The following ATF1 variants were observed in gnomAD, a reference collection of about 807,000 sequenced individuals.
ATF1 encodes the protein cyclic AMP-dependent transcription factor ATF-1.
ATF1 carries 16 observed loss-of-function variants against 34.7 expected under a neutral mutation model. The observed-to-expected ratio is 0.46, with a 90% CI of 0.31 to 0.70. ATF1 has a LOEUF of 0.70. Among genes scored for constraint, ATF1 ranks in the 30% least tolerant of loss-of-function variants. The probability of loss-of-function intolerance (pLI) is 0.05; values close to 1 mark genes in which losing one functional copy is unlikely to be tolerated. For missense variants in ATF1, 255 were observed against 321.6 expected (o/e 0.79, Z 1.58); for synonymous variants, 105 against 113.1 (o/e 0.93, Z 0.46).
chr12:50,804,536 A>G (rs1433298984), intron 3 of ATF1, among the ~76,000 whole-genome samples: 10 of 152,112 alleles, frequency 6.6e-5, no homozygotes, highest in Non-Finnish European at 8.8e-5. Flanking sequence ...AATTAAAGTT[A>G]GCCAGGCGTG....
At chr12:50,768,290 A>G (rs1000598820) in intron 1 of ATF1, among the ~76,000 whole-genome samples, 1 of 152,200 alleles carries the variant, frequency 6.6e-6, no homozygotes, top group Non-Finnish European at 1.5e-5. Flanking sequence ...GAACTGTCTT[A>G]TATTTTCCTT....
chr12:50,767,630 G>A (rs933262511), intron 1 of ATF1, among the ~76,000 whole-genome samples: 16 of 152,350 alleles, frequency 1.1e-4, no homozygotes, highest in African/African-American at 3.4e-4. Context: ...TAAAAGACTG[G>A]ATGAAGTCTC....
At chr12:50,765,550 G>A (rs1354940771) in intron 1 of ATF1, among the ~76,000 whole-genome samples, 2 of 152,094 alleles carry the variant, frequency 1.3e-5, no homozygotes, top group African/African-American at 4.8e-5. Context: ...AATAGAGATG[G>A]TGTCAGAGGC....
chr12:50,780,663 A>C (rs546642616), intron 2 of ATF1, among the ~76,000 whole-genome samples: 46 of 151,780 alleles, frequency 3.0e-4, no homozygotes, highest in East Asian at 1.4e-3. Flanking sequence ...AAAAAAAAAA[A>C]AAAACAAAAC....
At position 50,819,966 on chromosome 12, in the gene ATF1, G is replaced by A. The variant is rs1004284295; in HGVS notation, c.*187G>A. ...TGGAAAATGACCTCAAGGAAGCTAC[G>A]GGCACAACTGGAAGCTTTGTAGAAA... On this transcript the variant is annotated 3_prime_UTR_variant, in exon 7 of 7. Coordinates refer to ENST00000262053, the MANE Select transcript of ATF1 (RefSeq NM_005171.5). 19 of 469,234 alleles carry A rather than the reference G, an allele frequency of 4.0e-5. No individual in the cohort carries two copies. The highest frequency in any genetic ancestry group is 2.9e-4 in the East Asian group (8 of 27,602). The allele number at this position is 469,234 out of a possible 1,614,324, so 29.1% of individuals were successfully genotyped here.
chr12:50,816,808 A>G (rs1238147239), intron 6 of ATF1, among the ~76,000 whole-genome samples: 1 of 152,048 alleles, frequency 6.6e-6, no homozygotes, highest in Non-Finnish European at 1.5e-5. Flanking sequence ...GCAGTGAGCC[A>G]TGATCACGCC....
intron 1 of ATF1, among the ~76,000 whole-genome samples, chr12:50,777,347 G>A (rs142851005): frequency 6.6e-6 from 1 of 152,036 alleles, no homozygotes; most frequent in African/African-American, 2.4e-5. Context: ...TCTTTCTATT[G>A]TGTATTTTCC....
At chr12:50,788,861 AT>A (rs944459853) in intron 2 of ATF1, among the ~76,000 whole-genome samples, 1 of 151,976 alleles carries the variant, frequency 6.6e-6, no homozygotes, top group Non-Finnish European at 1.5e-5. Context: ...GTATAACTAC[AT>A]TTTTTGCATT....
intron 1 of ATF1, among the ~76,000 whole-genome samples, chr12:50,777,922 G>T (rs938426233): frequency 6.8e-6 from 1 of 146,806 alleles, no homozygotes; most frequent in African/African-American, 2.5e-5. Flanking sequence ...TATACGTACC[G>T]TGGAATTTAC....
intron 2 of ATF1, among the ~76,000 whole-genome samples, chr12:50,781,094 G>A (rs1239162907): frequency 6.6e-6 from 1 of 152,110 alleles, no homozygotes; most frequent in African/African-American, 2.4e-5. Flanking sequence ...TTTAAACGAA[G>A]TATATAGTCA....
intron 4 of ATF1, among the ~76,000 whole-genome samples, chr12:50,811,144 C>T (rs1941728212): frequency 6.6e-6 from 1 of 152,116 alleles, no homozygotes; most frequent in African/African-American, 2.4e-5. Flanking sequence ...TGTTCTTCCC[C>T]CAGATCCTTA....
At chr12:50,787,316 A>G (rs1941205683) in intron 2 of ATF1, among the ~76,000 whole-genome samples, 1 of 152,246 alleles carries the variant, frequency 6.6e-6, no homozygotes, top group Non-Finnish European at 1.5e-5. Context: ...ACTATCAGAG[A>G]GTGAATTTCA....
chr12:50,816,375 A>G (rs1038333861), intron 6 of ATF1, among the ~76,000 whole-genome samples: 11 of 152,034 alleles, frequency 7.2e-5, no homozygotes, highest in Admixed American at 5.9e-4. Context: ...GTGAGGGGCA[A>G]GGAGGAGGAT....
At chr12:50,817,767 C>T (rs1200730006) in intron 6 of ATF1, among the ~76,000 whole-genome samples, 1 of 152,128 alleles carries the variant, frequency 6.6e-6, no homozygotes, top group African/African-American at 2.4e-5. Context: ...AGATTTATTT[C>T]TGTAAATAAG....
At chr12:50,796,149 A>G (rs1275485441) in intron 3 of ATF1, 140 bp downstream of exon 3, 9 of 683,384 alleles carry the variant, frequency 1.3e-5, no homozygotes, top group Middle Eastern at 8.2e-4. Flanking sequence ...TATAATCCCA[A>G]CCCTTTCGGA....
chr12:50,791,490 G>T (rs1052354185), intron 2 of ATF1, among the ~76,000 whole-genome samples: 1 of 152,108 alleles, frequency 6.6e-6, no homozygotes, highest in Non-Finnish European at 1.5e-5. Flanking sequence ...CAGGGGTGGA[G>T]GTTGCAGTGA....
intron 2 of ATF1, among the ~76,000 whole-genome samples, chr12:50,787,740 T>C (rs1565906870): frequency 1.4e-5 from 2 of 144,924 alleles, no homozygotes; most frequent in East Asian, 4.0e-4. Flanking sequence ...AGGCCTTGTC[T>C]AAAAAAAAAA....
At chr12:50,769,167 G>A (rs543206641) in intron 1 of ATF1, among the ~76,000 whole-genome samples, 1 of 152,308 alleles carries the variant, frequency 6.6e-6, no homozygotes, top group South Asian at 2.1e-4. Context: ...AAGATTATAA[G>A]AAGGCATGGA....
chr12:50,809,561 C>T lies in ATF1; in HGVS notation c.300C>T (p.Pro100=). 3 of 1,613,732 alleles carry T rather than the reference C, an allele frequency of 1.9e-6. No individual in the cohort carries two copies. The highest frequency in any genetic ancestry group is 2.5e-6 in the Non-Finnish European group (3 of 1,179,780). The part of the protein sequence containing the change: ...AAVTSMSVPT[P]IYQTSSGQYI... ...TCACTTCTATGTCTGTTCCAACTCC[C>T]ATCTATCAGACTAGCAGCGGACAGT... Residue 100 remains proline, a synonymous_variant, in exon 4 of 7, where the codon CCC becomes CCT. Coordinates refer to ENST00000262053, the MANE Select transcript of ATF1 (RefSeq NM_005171.5).
Sources: allele counts gnomAD v4.1 joint callset (sites outside exome capture counted in the v4.1 genomes callset), GRCh38; gene constraint gnomAD v4.1.1; transcripts MANE v1.5; gene names NCBI Gene and HGNC (gene_info 2026-07-23, HGNC 2026-07-21).